Variants in COL4A2 observed in about 807,000 individuals in gnomAD.
The protein encoded by COL4A2 is collagen alpha-2(IV) chain.
COL4A2 carries 99 observed loss-of-function variants against 200.2 expected under a neutral mutation model. That is an observed-to-expected ratio of 0.49 (90% CI 0.42 to 0.58). The LOEUF (loss-of-function observed/expected upper bound fraction) is 0.58. COL4A2 is among the 20% of genes least tolerant of loss of function. COL4A2 has a pLI of 0.00. For missense variants in COL4A2, 1,950 were observed against 2,314.1 expected, an observed-to-expected ratio of 0.84 and a Z score of 3.23; for synonymous variants, 897 against 900.6, an observed-to-expected ratio of 1.00 and a Z score of 0.07.
intron 3 of COL4A2, among the ~76,000 whole-genome samples, chr13:110,355,838 T>TGA (rs1566490452): frequency 0.021 from 174 of 8,256 alleles, 48 homozygotes; most frequent in Non-Finnish European, 0.027. Context: ...CTCACCTGTG[T>TGA]GTGGGGGGGA....
intron 27 of COL4A2, among the ~76,000 whole-genome samples, chr13:110,467,686 C>A (rs1368492485): frequency 1.3e-5 from 2 of 152,226 alleles, no homozygotes; most frequent in Admixed American, 6.5e-5. Context: ...GCCACCACTG[C>A]CGTCCCGCCT....
intron 3 of COL4A2, among the ~76,000 whole-genome samples, chr13:110,356,436 C>T (rs1877267922): frequency 6.6e-6 from 1 of 152,216 alleles, no homozygotes; most frequent in Admixed American, 6.5e-5. Flanking sequence ...GCCAGATGCA[C>T]CTGCCAGTCC....
chr13:110,458,250 C>A (rs1333660082), intron 21 of COL4A2: 3 of 408,104 alleles, frequency 7.4e-6, no homozygotes, highest in Non-Finnish European at 5.0e-6. Context: ...CTGCCGCCAG[C>A]ATGGTGCTGC....
At position 110,507,948 on chromosome 13, in the gene COL4A2, C is replaced by G; in HGVS notation, c.4608C>G (p.Ser1536=). 1 of 1,613,684 alleles carries G rather than the reference C, an allele frequency of 6.2e-7. No homozygotes were observed. The highest frequency in any genetic ancestry group is 1.1e-5 in the South Asian group (1 of 91,072). The part of the protein sequence containing the change: ...AHNQDLGLAG[S]CLARFSTMPF... Reference sequence around the variant, plus strand: ...CTCCTTCCACAGGGCTGGCGGGCTCCTGCCTGGCGCGGTTCAGCACCATGC... The same window carrying G: ...CTCCTTCCACAGGGCTGGCGGGCTCGTGCCTGGCGCGGTTCAGCACCATGC... The change falls in exon 47 of 48, where the codon TCC becomes TCG. Residue 1536 remains serine, a synonymous_variant. Transcript: ENST00000360467.
chr13:110,368,646 G>C (rs995367952), intron 4 of COL4A2, among the ~76,000 whole-genome samples: 1 of 152,158 alleles, frequency 6.6e-6, no homozygotes, highest in African/African-American at 2.4e-5. Flanking sequence ...GAGATGACCA[G>C]GGAGTGATAC....
chr13:110,349,215 T>A (rs79483709), intron 3 of COL4A2, among the ~76,000 whole-genome samples: 5,098 of 152,272 alleles, frequency 0.033, 142 homozygotes, highest in East Asian at 0.15. Flanking sequence ...TTTAAACCTA[T>A]TTTTTTAGTG....
intron 30 of COL4A2, among the ~76,000 whole-genome samples, chr13:110,479,345 C>T (rs994892595): frequency 1.1e-4 from 2 of 18,344 alleles, no homozygotes; most frequent in African/African-American, 2.8e-4. Context: ...CCAGAGGAGG[C>T]GGGGACAGGC....
At chr13:110,462,463 G>A in intron 24 of COL4A2, 79 bp downstream of exon 24, 2 of 1,453,852 alleles carry the variant, frequency 1.4e-6, no homozygotes, top group Non-Finnish European at 1.9e-6. Context: ...GAAGCAAACA[G>A]TATTGACATG....
At chr13:110,345,399 C>T (rs573895106) in intron 3 of COL4A2, among the ~76,000 whole-genome samples, 10 of 152,274 alleles carry the variant, frequency 6.6e-5, no homozygotes, top group African/African-American at 2.2e-4. Context: ...AGCAGAACCC[C>T]AGTCGGCGGG....
chr13:110,466,346 A>G (rs909971949), intron 26 of COL4A2, among the ~76,000 whole-genome samples: 4 of 152,184 alleles, frequency 2.6e-5, no homozygotes, highest in African/African-American at 7.2e-5. Context: ...GTGTGCTGCC[A>G]GGAGGGTCCA....
In COL4A2 at chr13:110,307,818, T is replaced by A. The variant is rs191385231; in HGVS notation, c.-44-42T>A. ...AGACCGGCGGTGAGGATGGGCTGCC[T>A]CCCTCATCCTGCGCTAAACTCGCTT... On this transcript the variant is annotated intron_variant, in intron 1 of 47. Transcript: ENST00000360467. This position sits in a 1 kb window ranked among gnomAD's most constrained non-coding sequence, Gnocchi z 5.0. 2.3e-3 allele frequency: 3,499 copies of A among 1,490,928 alleles called. 3 individuals are homozygous for A. The highest frequency in any genetic ancestry group is 3.0e-3 in the Non-Finnish European group (3,291 of 1,105,642). The allele number at this position is 1,490,928 out of a possible 1,614,324, so 92.4% of individuals were successfully genotyped here.
At chr13:110,423,818 A>T (rs1880352229) in intron 4 of COL4A2, among the ~76,000 whole-genome samples, 1 of 152,078 alleles carries the variant, frequency 6.6e-6, no homozygotes, top group South Asian at 2.1e-4. Context: ...TCTATACAGG[A>T]GTTGTCGTTT....
intron 33 of COL4A2, 133 bp from the exon 34 acceptor site, chr13:110,485,522 C>CAA (rs34819988): frequency 2.3e-4 from 82 of 359,968 alleles, no homozygotes; most frequent in African/African-American, 2.1e-3. Context: ...GACTCCGTCT[C>CAA]AAAAAAAAAA....
intron 4 of COL4A2, among the ~76,000 whole-genome samples, chr13:110,370,041 A>G (rs1345856320): frequency 6.6e-6 from 1 of 152,014 alleles, no homozygotes; most frequent in East Asian, 1.9e-4. Flanking sequence ...TAAGATTTCA[A>G]CTTTACTTTC....
intron 3 of COL4A2, among the ~76,000 whole-genome samples, chr13:110,310,383 C>T (rs1422468548): frequency 3.3e-5 from 5 of 152,234 alleles, no homozygotes; most frequent in African/African-American, 7.2e-5. Context: ...CTGGGAACCA[C>T]TGAGCTACAG....
chr13:110,336,915 C>T (rs574300187), intron 3 of COL4A2, among the ~76,000 whole-genome samples: 24 of 152,318 alleles, frequency 1.6e-4, no homozygotes, highest in Non-Finnish European at 3.1e-4. Flanking sequence ...TCCATTCCCA[C>T]GTGGCCTGGG....
At chr13:110,356,681 C>T (rs937948850) in intron 3 of COL4A2, among the ~76,000 whole-genome samples, 1 of 152,184 alleles carries the variant, frequency 6.6e-6, no homozygotes, top group Non-Finnish European at 1.5e-5. Context: ...CTTCCTGATT[C>T]CTCACTTCAC....
chr13:110,343,824 T>C (rs1233516561), intron 3 of COL4A2, among the ~76,000 whole-genome samples: 1 of 152,176 alleles, frequency 6.6e-6, no homozygotes, highest in African/African-American at 2.4e-5. Context: ...TCTCCCAAAT[T>C]TAGCACAGAG....
At chr13:110,435,006 G>A (rs1023082955) in intron 12 of COL4A2, among the ~76,000 whole-genome samples, 1 of 152,212 alleles carries the variant, frequency 6.6e-6, no homozygotes, top group African/African-American at 2.4e-5. Flanking sequence ...CACCAACACA[G>A]TCCCATTGCG....
Sources: gnomAD v4.1 joint callset for allele counts (sites outside exome capture counted in the v4.1 genomes callset) on GRCh38, gnomAD v4.1.1 for gene constraint, Gnocchi (gnomAD v3.1) non-coding constraint, MANE v1.5 for transcripts, NCBI Gene and HGNC (gene_info 2026-07-23, HGNC 2026-07-21) for gene names.